Variants in DNER observed in about 807,000 individuals in gnomAD.
DNER encodes delta/notch like EGF repeat containing.
DNER carries 33 observed loss-of-function variants against 78.2 expected under a neutral mutation model. The observed-to-expected ratio is 0.42, with a 90% confidence interval of 0.32 to 0.56. The LOEUF (loss-of-function observed/expected upper bound fraction) is 0.56. Among genes scored for constraint, DNER ranks in the 20% least tolerant of loss-of-function variants. The pLI is 0.11. For synonymous variants in DNER, 417 were observed against 384.8 expected (o/e 1.08, Z -0.98); for missense variants, 918 against 975.3 (o/e 0.94, Z 0.78).
intron 1 of DNER, among the ~76,000 whole-genome samples, chr2:229,643,684 C>T (rs1362531245): frequency 6.6e-6 from 1 of 152,126 alleles, no homozygotes. Flanking sequence ...AAGTTTAAAT[C>T]CGTGGAAAGT....
At chr2:229,363,186 G>C (rs1574805645) in intron 12 of DNER, among the ~76,000 whole-genome samples, 1 of 152,104 alleles carries the variant, frequency 6.6e-6, no homozygotes, top group Non-Finnish European at 1.5e-5. Context: ...AGAGGGAGGG[G>C]TCTCCTTCTC....
chr2:229,637,061 C>A (rs1698542529), intron 1 of DNER, among the ~76,000 whole-genome samples: 1 of 152,172 alleles, frequency 6.6e-6, no homozygotes, highest in South Asian at 2.1e-4. Flanking sequence ...TGTGAGGAAC[C>A]ATTACAGGTT....
At position 229,428,112 on chromosome 2, in the gene DNER, A is replaced by C. The variant is rs1693922543; in HGVS notation, c.1487-9882T>G. Among the ~76,000 whole-genome samples the C allele has an allele frequency of 2.0e-5, 3 of 151,504 alleles. No homozygotes were observed. The South Asian group carries it at 6.2e-4, about 31-fold the overall frequency. ...AAAAAAGAGAAAAAAAGAAAAGAAA[A>C]GAGAAACAGGCAGGTGTCAGGCCTG... On this transcript the variant is annotated intron_variant, in intron 8 of 12. Coordinates refer to ENST00000341772, the MANE Select transcript of DNER (RefSeq NM_139072.4).
At chr2:229,654,805 C>T (rs1185515698) in intron 1 of DNER, among the ~76,000 whole-genome samples, 1 of 152,106 alleles carries the variant, frequency 6.6e-6, no homozygotes, top group African/African-American at 2.4e-5. Context: ...TGAAATTCAG[C>T]CCATACACTT....
At chr2:229,446,224 C>T (rs1559353888) in intron 8 of DNER, among the ~76,000 whole-genome samples, 1 of 152,212 alleles carries the variant, frequency 6.6e-6, no homozygotes, top group Non-Finnish European at 1.5e-5. Flanking sequence ...AAGATCAGTG[C>T]TCACTAAATA....
intron 7 of DNER, among the ~76,000 whole-genome samples, chr2:229,463,490 G>C (rs1485047360): frequency 6.6e-6 from 1 of 152,092 alleles, no homozygotes; most frequent in Non-Finnish European, 1.5e-5. Context: ...TCCCAGGCTG[G>C]AGTATAGTGG....
intron 7 of DNER, among the ~76,000 whole-genome samples, chr2:229,464,736 C>A (rs974916234): frequency 6.6e-6 from 1 of 151,874 alleles, no homozygotes; most frequent in African/African-American, 2.4e-5. Flanking sequence ...AAGCAGGGTG[C>A]GGTGGGTAGA....
At chr2:229,419,399 C>T (rs1294229763) in intron 8 of DNER, among the ~76,000 whole-genome samples, 4 of 152,168 alleles carry the variant, frequency 2.6e-5, no homozygotes, top group African/African-American at 4.8e-5. Context: ...TGACTGTGTT[C>T]GTTCTGAATT....
chr2:229,537,582 C>T (rs1696431164), intron 5 of DNER, among the ~76,000 whole-genome samples: 1 of 152,054 alleles, frequency 6.6e-6, no homozygotes. Flanking sequence ...ATTCTCTGAC[C>T]CTGAAAATGT....
intron 8 of DNER, among the ~76,000 whole-genome samples, chr2:229,435,707 G>T (rs966864318): frequency 6.6e-6 from 1 of 152,056 alleles, no homozygotes; most frequent in African/African-American, 2.4e-5. Flanking sequence ...ATTGAACCTA[G>T]GACATTCACT....
chr2:229,605,440 C>G (rs1318449630), intron 1 of DNER, among the ~76,000 whole-genome samples: 1 of 152,150 alleles, frequency 6.6e-6, no homozygotes, highest in African/African-American at 2.4e-5. Flanking sequence ...CAGTACTGAT[C>G]ATTCAAATTA....
At chr2:229,648,320 T>A (rs1260847705) in intron 1 of DNER, among the ~76,000 whole-genome samples, 8 of 152,252 alleles carry the variant, frequency 5.3e-5, no homozygotes, top group Admixed American at 5.2e-4. Flanking sequence ...CTACATTATG[T>A]AAGTTACAAG....
intron 6 of DNER, among the ~76,000 whole-genome samples, chr2:229,506,200 C>T (rs547818453): frequency 1.9e-4 from 29 of 152,222 alleles, no homozygotes; most frequent in Admixed American, 5.2e-4. Flanking sequence ...TGGGGGGCCT[C>T]AAGAAACTTA....
At chr2:229,566,468 G>A (rs1427315289) in intron 4 of DNER, among the ~76,000 whole-genome samples, 2 of 152,174 alleles carry the variant, frequency 1.3e-5, no homozygotes, top group Non-Finnish European at 2.9e-5. Context: ...TGAAGCCCCA[G>A]TGGTGCACCA....
intron 12 of DNER, among the ~76,000 whole-genome samples, chr2:229,363,536 G>A (rs548759547): frequency 6.6e-6 from 1 of 152,328 alleles, no homozygotes; most frequent in South Asian, 2.1e-4. Flanking sequence ...GTTCAGAAGA[G>A]AAGTTTTCCT....
At chr2:229,531,074 A>G (rs1193756786) in intron 5 of DNER, among the ~76,000 whole-genome samples, 1 of 152,160 alleles carries the variant, frequency 6.6e-6, no homozygotes, top group African/African-American at 2.4e-5. Context: ...GCCTTATTTT[A>G]CATTCCCTAG....
At chr2:229,627,609 A>G (rs1251332437) in intron 1 of DNER, among the ~76,000 whole-genome samples, 1 of 152,248 alleles carries the variant, frequency 6.6e-6, no homozygotes, top group African/African-American at 2.4e-5. Context: ...AACCATGATC[A>G]GGATGCCATG....
chr2:229,464,551 T>A (rs1432665975), intron 7 of DNER, among the ~76,000 whole-genome samples: 1 of 152,024 alleles, frequency 6.6e-6, no homozygotes, highest in Non-Finnish European at 1.5e-5. Flanking sequence ...CAATGGAGAT[T>A]TAAAGGTTTG....
At position 229,585,969 on chromosome 2, in the gene DNER, C is replaced by T; in HGVS notation, c.736G>A (p.Gly246Arg). The T allele has an allele frequency of 3.1e-6, 5 of 1,614,108 alleles. No individual in the cohort carries two copies. The highest frequency in any genetic ancestry group is 3.4e-6 in the Non-Finnish European group (4 of 1,179,978). The change falls in exon 4 of 13, where the codon GGA becomes AGA. Residue 246 changes from glycine (G) to arginine (R), a missense_variant. Physicochemically the swap from Gly to Arg is moderately radical, Grantham distance 125 (BLOSUM62 -2). Coordinates refer to ENST00000341772, the MANE Select transcript of DNER (RefSeq NM_139072.4). ...LILLWKVTATGFQQCSLIDGR... is the reference protein window; with the variant it reads ...LILLWKVTATRFQQCSLIDGR... ...TCTATGAGGGAGCACTGTTGGAATCCTGTGGCCGTGACCTTCCAGAGCAAA... is the reference window on the plus strand; with the variant it reads ...TCTATGAGGGAGCACTGTTGGAATCTTGTGGCCGTGACCTTCCAGAGCAAA...
Sources: allele counts gnomAD v4.1 joint callset (sites outside exome capture counted in the v4.1 genomes callset), GRCh38; gene constraint gnomAD v4.1.1; transcripts MANE v1.5; gene names NCBI Gene and HGNC (gene_info 2026-07-23, HGNC 2026-07-21).